PACS2: variants seen among roughly 807,000 people sequenced by gnomAD.
PACS2 encodes the protein phosphofurin acidic cluster sorting protein 2.
A neutral mutation model predicts 113.0 loss-of-function variants in PACS2; 36 were observed. The observed-to-expected ratio is 0.32, with a 90% CI of 0.24 to 0.42. The LOEUF is 0.42. Ranked by LOEUF, PACS2 falls within the 10% of genes least tolerant of loss-of-function variation. The pLI, the probability that PACS2 is intolerant of heterozygous loss-of-function variation, is 1.00. For synonymous variants in PACS2, 589 were observed against 536.1 expected (o/e 1.10, Z -1.36); for missense variants, 1,015 against 1,239.5 (o/e 0.82, Z 2.72).
chr14:105,374,381 A>T (rs992564067), intron 8 of PACS2, among the ~76,000 whole-genome samples: 6 of 152,234 alleles, frequency 3.9e-5, no homozygotes, highest in Admixed American at 6.5e-5. Context: ...GAACAGTAGA[A>T]CAGAAGAATG....
Position 105,322,172 on chromosome 14 carries a change from G to A in PACS2, c.119+7135G>A, listed in dbSNP as rs146101188. On this transcript the variant is annotated intron_variant, in intron 1 of 24. Transcript: ENST00000447393. ...AGGCTGGTCTCGAACTCTCGACCTC[G>A]TGATCCGCCCGCCTTGGCCTCCCAA... Among the ~76,000 whole-genome samples, 290 of 150,324 alleles carry A rather than the reference G, an allele frequency of 1.9e-3. 4 individuals are homozygous for A. In the East Asian group the frequency reaches 0.049, roughly 26 times the overall value.
chr14:105,382,357 C>T, intron 13 of PACS2, 120 bp from the exon 14 acceptor site: 1 of 738,534 alleles, frequency 1.4e-6, no homozygotes, highest in South Asian at 1.6e-5. Flanking sequence ...CAGCTCTCTT[C>T]CTGCCACCGA....
chr14:105,378,448 C>CA (rs1164602630), intron 9 of PACS2, among the ~76,000 whole-genome samples: 1 of 152,228 alleles, frequency 6.6e-6, no homozygotes, highest in Non-Finnish European at 1.5e-5. Flanking sequence ...CTTGCTCTGT[C>CA]AGCCAGGCTA....
chr14:105,362,214 C>G (rs587653403), intron 4 of PACS2, among the ~76,000 whole-genome samples: 38 of 151,124 alleles, frequency 2.5e-4, no homozygotes, highest in South Asian at 4.2e-4. Flanking sequence ...GTCAGGAGAT[C>G]AAGACCATCC....
chr14:105,336,126 C>T (rs1460228409), intron 1 of PACS2, among the ~76,000 whole-genome samples: 1 of 152,242 alleles, frequency 6.6e-6, no homozygotes, highest in Non-Finnish European at 1.5e-5. Flanking sequence ...GGGGCAGCTC[C>T]TGGAGACAAA....
Position 105,365,587 on chromosome 14 carries a change from G to C in PACS2, c.424-1626G>C, listed in dbSNP as rs1307867188. Among the ~76,000 whole-genome samples, 1 of 152,172 alleles carries C rather than the reference G, an allele frequency of 6.6e-6. No individual in the cohort carries two copies. Among genetic ancestry groups the C allele is most frequent in the Non-Finnish European group, 1.5e-5 (1 of 68,028 alleles). Reference sequence around the variant, plus strand: ...GAGCAGGGTTTTCTTAGGAGAAAAAGGGCCCAGACCCCTCTGAGCCCCGTG... The same window carrying C: ...GAGCAGGGTTTTCTTAGGAGAAAAACGGCCCAGACCCCTCTGAGCCCCGTG... On this transcript the variant is annotated intron_variant, in intron 4 of 24. Coordinates refer to ENST00000447393, the MANE Select transcript of PACS2 (RefSeq NM_001100913.3). This position sits in a 1 kb window ranked among gnomAD's most constrained non-coding sequence, Gnocchi z 5.1.
chr14:105,320,345 T>A lies in PACS2; in HGVS notation c.119+5308T>A, dbSNP rs587724876. ...GTTTAAGCATGTTGTATTACCCTTTTTAAAAATTGGTGGATATATATTTAT... is the reference window on the plus strand; with the variant it reads ...GTTTAAGCATGTTGTATTACCCTTTATAAAAATTGGTGGATATATATTTAT... On this transcript the variant is annotated intron_variant, in intron 1 of 24. Transcript: ENST00000447393. Among the ~76,000 whole-genome samples the A allele has an allele frequency of 5.5e-3, 844 of 152,242 alleles. 12 individuals carry two copies. The highest frequency in any genetic ancestry group is 0.017 in the African/African-American group (716 of 41,542).
chr14:105,373,501 G>C (rs2061234096), intron 8 of PACS2, among the ~76,000 whole-genome samples: 1 of 152,180 alleles, frequency 6.6e-6, no homozygotes, highest in African/African-American at 2.4e-5. Context: ...AGGACCACTG[G>C]ATATCCACAT....
chr14:105,387,157 C>CTG (rs2081203937), intron 19 of PACS2, among the ~76,000 whole-genome samples: 1 of 152,214 alleles, frequency 6.6e-6, no homozygotes, highest in Non-Finnish European at 1.5e-5. Flanking sequence ...AGTGTCTTAC[C>CTG]TGCTCTCTGT....
intron 1 of PACS2, among the ~76,000 whole-genome samples, chr14:105,320,130 A>T (rs1294650480): frequency 6.6e-6 from 1 of 151,946 alleles, no homozygotes; most frequent in Admixed American, 6.6e-5. Flanking sequence ...GGTGTGCACC[A>T]CCACGCCCAG....
intron 4 of PACS2, among the ~76,000 whole-genome samples, chr14:105,364,843 G>A (rs138811707): frequency 0.015 from 2,324 of 151,772 alleles, 68 homozygotes; most frequent in African/African-American, 0.054. Context: ...CTACAGGTGC[G>A]CACCACCATG....
rs1295247394 is a variant in PACS2 at position 105,365,603 on chromosome 14, G to A, written c.424-1610G>A. Reference sequence around the variant, plus strand: ...GGAGAAAAAGGGCCCAGACCCCTCTGAGCCCCGTGGAGGTTGGTATGAGCA... The same window carrying A: ...GGAGAAAAAGGGCCCAGACCCCTCTAAGCCCCGTGGAGGTTGGTATGAGCA... On this transcript the variant is annotated intron_variant, in intron 4 of 24. Transcript: ENST00000447393. This position sits in a 1 kb window ranked among gnomAD's most constrained non-coding sequence, Gnocchi z 5.1. Among the ~76,000 whole-genome samples the A allele has an allele frequency of 6.6e-6, 1 of 152,160 alleles. No homozygotes were observed. Among genetic ancestry groups the A allele is most frequent in the Non-Finnish European group, 1.5e-5 (1 of 68,034 alleles).
In PACS2 at chr14:105,324,682, C is replaced by G. The variant is rs1307005847; in HGVS notation, c.119+9645C>G. 1.3e-5 allele frequency among the ~76,000 whole-genome samples: 2 copies of G among 152,206 alleles called. No individual in the cohort carries two copies. The highest frequency in any genetic ancestry group is 2.9e-5 in the Non-Finnish European group (2 of 68,026). ...CATGGTGCTGGGGTCGTCAGCAGCT[C>G]CTCGAGGGCTCCGGCCTGTGGAGGC... On this transcript the variant is annotated intron_variant, in intron 1 of 24. Coordinates refer to ENST00000447393, the MANE Select transcript of PACS2 (RefSeq NM_001100913.3). This position sits in a 1 kb window ranked among gnomAD's most constrained non-coding sequence, Gnocchi z 4.7.
chr14:105,301,162 G>A (rs375637888), intron 1 of PACS2: 4 of 152,938 alleles, frequency 2.6e-5, no homozygotes, highest in African/African-American at 9.7e-5. Context: ...CAAGGCTGGC[G>A]ACGCGACCTA....
At chr14:105,381,336 C>A (rs1217336302) in intron 12 of PACS2, among the ~76,000 whole-genome samples, 1 of 152,234 alleles carries the variant, frequency 6.6e-6, no homozygotes, top group African/African-American at 2.4e-5. Context: ...CAGGGTCAGG[C>A]GGGTCTGCCC....
Position 105,358,763 on chromosome 14 carries a change from A to G in PACS2, c.423+3586A>G, listed in dbSNP as rs1215289380. Among the ~76,000 whole-genome samples the G allele has an allele frequency of 1.3e-5, 2 of 152,132 alleles. No homozygotes were observed. The highest frequency in any genetic ancestry group is 4.8e-5 in the African/African-American group (2 of 41,414). ...CTGGGGCCAGGTCCAGCCCAAGGGG[A>G]CCTGTGAGGGGCGGGCGGCTCATGG... On this transcript the variant is annotated intron_variant, in intron 4 of 24. Transcript: ENST00000447393. This position sits in a 1 kb window ranked among gnomAD's most constrained non-coding sequence, Gnocchi z 4.9.
chr14:105,382,046 G>A lies in PACS2; in HGVS notation c.1401G>A (p.Gln467=), dbSNP rs782775675. 2.1e-5 allele frequency: 33 copies of A among 1,546,076 alleles called. No homozygotes were observed. The highest frequency in any genetic ancestry group is 2.6e-5 in the Non-Finnish European group (30 of 1,146,844). Reference sequence around the variant, plus strand: ...GCCCGGACGCCCGGAGCCAGCTACAGGTGCAGCTGCAGGTGGGGGTGGAGG... The same window carrying A: ...GCCCGGACGCCCGGAGCCAGCTACAAGTGCAGCTGCAGGTGGGGGTGGAGG... ...ERCPDARSQL[Q]VQLQIPRKTV... The change falls in exon 13 of 25, where the codon CAG becomes CAA. Residue 467 remains glutamine, a synonymous_variant. Coordinates refer to ENST00000447393, the MANE Select transcript of PACS2 (RefSeq NM_001100913.3).
At chr14:105,341,900 C>T (rs1251512009) in intron 1 of PACS2, among the ~76,000 whole-genome samples, 3 of 152,246 alleles carry the variant, frequency 2.0e-5, no homozygotes, top group East Asian at 3.9e-4. Flanking sequence ...TCTAAGTGTG[C>T]GGAGAGGAGC....
intron 7 of PACS2, among the ~76,000 whole-genome samples, chr14:105,369,475 C>G (rs1418874621): frequency 1.3e-5 from 2 of 152,214 alleles, no homozygotes; most frequent in African/African-American, 2.4e-5. Context: ...ACCCCACACT[C>G]GCCCACCTGC....
Sources: gnomAD v4.1 joint callset for allele counts (sites outside exome capture counted in the v4.1 genomes callset) on GRCh38, gnomAD v4.1.1 for gene constraint, Gnocchi (gnomAD v3.1) non-coding constraint, MANE v1.5 for transcripts, NCBI Gene and HGNC (gene_info 2026-07-23, HGNC 2026-07-21) for gene names.